Variants in PAFAH1B1 observed in about 807,000 individuals in gnomAD.
The protein encoded by PAFAH1B1 is platelet activating factor acetylhydrolase 1b regulatory subunit 1, also known as platelet-activating factor acetylhydrolase IB subunit beta.
A neutral mutation model predicts 57.5 loss-of-function variants in PAFAH1B1; 2 were observed. The ratio of observed to expected loss-of-function variants is 0.03; its 90% CI spans 0.01 to 0.11. PAFAH1B1 has a LOEUF of 0.11. Ranked by LOEUF, PAFAH1B1 falls within the 10% of genes least tolerant of loss-of-function variation. The pLI, the probability that PAFAH1B1 is intolerant of heterozygous loss-of-function variation, is 1.00. For synonymous variants in PAFAH1B1, 152 were observed against 169.6 expected (o/e 0.90, Z 0.81); for missense variants, 257 against 512.0 (o/e 0.50, Z 4.81).
At chr17:2,609,226 T>C (rs991628061) in intron 1 of PAFAH1B1, among the ~76,000 whole-genome samples, 60 of 152,248 alleles carry the variant, frequency 3.9e-4, no homozygotes, top group African/African-American at 1.3e-3. Flanking sequence ...CTGGGGCTGG[T>C]CTCAGACTCC....
intron 2 of PAFAH1B1, among the ~76,000 whole-genome samples, chr17:2,664,665 G>GCGCTCTCTCTCTCTCTCTCTCT: frequency 1.6e-4 from 14 of 86,086 alleles, no homozygotes; most frequent in African/African-American, 3.1e-4. Context: ...TCTATCTATC[G>GCGCTCTCTCTCTCTCTCTCTCT]CTCTCTCTCT....
Position 2,674,270 on chromosome 17 carries a change from T to C in PAFAH1B1, c.882T>C (p.Ser294=), listed in dbSNP as rs756174411. ...CAGAAAGCTCATATTCCTCCATCTC[T>C]GAAGCAACAGGATCTGAGGTACTGT... ...WAPESSYSSI[S]EATGSETKKS... The change falls in exon 8 of 11, where the codon TCT becomes TCC. Residue 294 remains serine, a synonymous_variant. Transcript: ENST00000397195. 1.2e-6 allele frequency: 2 copies of C among 1,611,676 alleles called. No individual in the cohort carries two copies. Among genetic ancestry groups the C allele is most frequent in the Admixed American group, 1.7e-5 (1 of 60,016 alleles).
At chr17:2,594,889 A>C (rs2068068008) in intron 1 of PAFAH1B1, among the ~76,000 whole-genome samples, 1 of 152,136 alleles carries the variant, frequency 6.6e-6, no homozygotes. Flanking sequence ...TGGTCGACAC[A>C]TTTTGACTCT....
chr17:2,630,920 A>G (rs2068547763), intron 1 of PAFAH1B1, among the ~76,000 whole-genome samples: 1 of 152,208 alleles, frequency 6.6e-6, no homozygotes, highest in South Asian at 2.1e-4. Flanking sequence ...TAGTACATCC[A>G]CATGATCAAA....
intron 2 of PAFAH1B1, among the ~76,000 whole-genome samples, chr17:2,656,399 A>G (rs1000714060): frequency 2.0e-5 from 3 of 151,702 alleles, no homozygotes; most frequent in Non-Finnish European, 4.4e-5. Flanking sequence ...GCAGTGAGCC[A>G]TGATTGTGCC....
At chr17:2,661,506 G>T (rs1201794815) in intron 2 of PAFAH1B1, among the ~76,000 whole-genome samples, 1 of 152,140 alleles carries the variant, frequency 6.6e-6, no homozygotes, top group African/African-American at 2.4e-5. Flanking sequence ...TCTCTGTTCT[G>T]TTCCCTTGGT....
chr17:2,635,953 C>CAAAAAAAAAAAAAAAA (rs560825633), intron 1 of PAFAH1B1, among the ~76,000 whole-genome samples: 6 of 70,858 alleles, frequency 8.5e-5, no homozygotes, highest in Admixed American at 1.5e-4. Flanking sequence ...TAGAAAAATA[C>CAAAAAAAAAAAAAAAA]AAAAAAAAAA....
chr17:2,647,262 G>A (rs1359574481), intron 2 of PAFAH1B1, among the ~76,000 whole-genome samples: 4 of 152,070 alleles, frequency 2.6e-5, no homozygotes, highest in South Asian at 4.1e-4. Context: ...AGGGAGGTGC[G>A]AGCTGAGGCA....
intron 1 of PAFAH1B1, among the ~76,000 whole-genome samples, chr17:2,620,362 T>C (rs2068403930): frequency 6.6e-6 from 1 of 152,234 alleles, no homozygotes; most frequent in Non-Finnish European, 1.5e-5. Context: ...TCTTTACTTT[T>C]TGTGACTTTG....
chr17:2,663,842 A>C (rs1266141320), intron 2 of PAFAH1B1, among the ~76,000 whole-genome samples: 2 of 151,964 alleles, frequency 1.3e-5, no homozygotes, highest in Non-Finnish European at 1.5e-5. Context: ...CTACAGGCGC[A>C]TACCACCACA....
intron 8 of PAFAH1B1, among the ~76,000 whole-genome samples, chr17:2,675,157 C>T (rs984402993): frequency 3.3e-5 from 5 of 152,118 alleles, no homozygotes; most frequent in Non-Finnish European, 7.4e-5. Flanking sequence ...GCATGTACCA[C>T]CCTGCCAGCT....
intron 2 of PAFAH1B1, among the ~76,000 whole-genome samples, chr17:2,664,694 T>TCTCTCTCTCTCTCTC (rs1567554200): frequency 1.9e-4 from 22 of 114,542 alleles, no homozygotes; most frequent in African/African-American, 5.4e-4. Flanking sequence ...CTCTCTCTCT[T>TCTCTCTCTCTCTCTC]TCTCTCTCCA....
intron 2 of PAFAH1B1, among the ~76,000 whole-genome samples, chr17:2,652,394 GGC>G (rs1481442382): frequency 1.3e-5 from 2 of 152,216 alleles, no homozygotes; most frequent in African/African-American, 4.8e-5. Context: ...CAGCCTGGGC[GGC>G]AGAGCGAGAC....
Position 2,684,305 on chromosome 17 carries a change from CCTTT to C in PAFAH1B1, c.*2506_*2509del, listed in dbSNP as rs1331912666. 1 of 152,712 alleles carries C rather than the reference CCTTT, an allele frequency of 6.5e-6. No individual in the cohort carries two copies. Among genetic ancestry groups the C allele is most frequent in the Non-Finnish European group, 1.5e-5 (1 of 68,134 alleles). 9.5% of individuals were successfully genotyped at this position (152,712 alleles called of 1,614,324 possible). On this transcript the variant is annotated 3_prime_UTR_variant, in exon 11 of 11. Coordinates refer to ENST00000397195, the MANE Select transcript of PAFAH1B1 (RefSeq NM_000430.4). The stretch of plus-strand genomic sequence containing the variant: ...CTGTCTGACACTGTCCTGTTGATGC[CCTTT>C]CTGACTGTGTTCTCTGTTTTCTCTG...
chr17:2,656,984 C>T (rs1005115960), intron 2 of PAFAH1B1, among the ~76,000 whole-genome samples: 2 of 152,140 alleles, frequency 1.3e-5, no homozygotes, highest in Non-Finnish European at 2.9e-5. Flanking sequence ...TGCAGTGGCG[C>T]AGCCTGGGCC....
chr17:2,621,649 A>G (rs1256745785), intron 1 of PAFAH1B1, among the ~76,000 whole-genome samples: 2 of 92,278 alleles, frequency 2.2e-5, no homozygotes, highest in Admixed American at 1.8e-4. Flanking sequence ...TTTTTGAGAC[A>G]GGGTCACCCT....
intron 5 of PAFAH1B1, among the ~76,000 whole-genome samples, chr17:2,669,760 CTTCCCT>C (rs920580089): frequency 2.6e-5 from 4 of 152,038 alleles, no homozygotes; most frequent in Non-Finnish European, 4.4e-5. Flanking sequence ...TTCCCTTCCC[CTTCCCT>C]TTCCCCTTTC....
chr17:2,663,988 C>T (rs920653073), intron 2 of PAFAH1B1, among the ~76,000 whole-genome samples: 1 of 151,804 alleles, frequency 6.6e-6, no homozygotes, highest in Non-Finnish European at 1.5e-5. Context: ...CCACCGCTCC[C>T]AGCCTCTGGT....
At chr17:2,628,282 A>G (rs1301998942) in intron 1 of PAFAH1B1, among the ~76,000 whole-genome samples, 5 of 152,164 alleles carry the variant, frequency 3.3e-5, no homozygotes, top group African/African-American at 1.2e-4. Flanking sequence ...TTAATTATAA[A>G]GGGATTCTGG....
Sources: gnomAD v4.1 joint callset for allele counts (sites outside exome capture counted in the v4.1 genomes callset) on GRCh38, gnomAD v4.1.1 for gene constraint, MANE v1.5 for transcripts, NCBI Gene and HGNC (gene_info 2026-07-23, HGNC 2026-07-21) for gene names.